Variants in MEF2A observed in about 807,000 individuals in gnomAD.
MEF2A encodes the protein myocyte enhancer factor 2A, also known as myocyte-specific enhancer factor 2A.
MEF2A carries 28 observed loss-of-function variants against 55.8 expected under a neutral mutation model. The ratio of observed to expected loss-of-function variants is 0.50; its 90% confidence interval spans 0.37 to 0.69. The LOEUF is 0.69. Among genes scored for constraint, MEF2A ranks in the 30% least tolerant of loss-of-function variants. The pLI is 0.00. For synonymous variants in MEF2A, 239 were observed against 227.1 expected (o/e 1.05, Z -0.47); for missense variants, 528 against 626.2 (o/e 0.84, Z 1.67).
chr15:99,591,323 T>C (rs1246830283), intron 1 of MEF2A, among the ~76,000 whole-genome samples: 3 of 152,224 alleles, frequency 2.0e-5, no homozygotes, highest in Admixed American at 2.0e-4. Flanking sequence ...AGAGTTTTTT[T>C]TTGTCCTTTC....
In MEF2A at chr15:99,714,748, A is replaced by G. The variant is rs188542083; in HGVS notation, c.*1977A>G. ...TCAAGGGTTTAAAAATTGCTATTTT[A>G]TATTTTAAATGATATTGAGCAGCTA... On this transcript the variant is annotated 3_prime_UTR_variant, in exon 12 of 12. Coordinates refer to ENST00000557942, the MANE Select transcript of MEF2A (RefSeq NM_001319206.4). The G allele has an allele frequency of 9.7e-4, 147 of 151,904 alleles. No individual in the cohort carries two copies. The highest frequency in any genetic ancestry group is 3.5e-3 in the African/African-American group (144 of 41,362). 9.4% of individuals were successfully genotyped at this position (151,904 alleles called of 1,614,324 possible).
intron 2 of MEF2A, among the ~76,000 whole-genome samples, chr15:99,600,623 A>G (rs1972653338): frequency 6.6e-6 from 1 of 152,118 alleles, no homozygotes; most frequent in Non-Finnish European, 1.5e-5. Context: ...CTTTGAATAT[A>G]GATATCATAT....
intron 7 of MEF2A, chr15:99,681,990 T>A (rs956696502): frequency 6.6e-6 from 1 of 152,208 alleles, no homozygotes; most frequent in Non-Finnish European, 1.5e-5. Context: ...AATGTCAAAT[T>A]TTATGAAAAT....
chr15:99,572,495 T>A (rs188895355), intron 1 of MEF2A, among the ~76,000 whole-genome samples: 1 of 151,256 alleles, frequency 6.6e-6, no homozygotes, highest in African/African-American at 2.4e-5. Context: ...TTTATGGTAT[T>A]TGTCCATTAC....
intron 3 of MEF2A, among the ~76,000 whole-genome samples, chr15:99,639,873 T>C (rs942086469): frequency 6.6e-6 from 1 of 152,222 alleles, no homozygotes; most frequent in African/African-American, 2.4e-5. Flanking sequence ...TTGTTGGTTT[T>C]GGTTTTTTTC....
At chr15:99,669,916 T>G (rs1003966959) in intron 4 of MEF2A, among the ~76,000 whole-genome samples, 5 of 152,226 alleles carry the variant, frequency 3.3e-5, no homozygotes, top group Non-Finnish European at 7.3e-5. Flanking sequence ...TGAACTTCTC[T>G]GGGACTAGTT....
At chr15:99,569,450 T>C (rs537485607) in intron 1 of MEF2A, among the ~76,000 whole-genome samples, 25 of 152,378 alleles carry the variant, frequency 1.6e-4, no homozygotes, top group African/African-American at 6.0e-4. Context: ...GGATAAAATA[T>C]CCCAGCATCT....
At chr15:99,704,885 T>C (rs1054084307) in intron 9 of MEF2A, among the ~76,000 whole-genome samples, 2 of 152,244 alleles carry the variant, frequency 1.3e-5, no homozygotes, top group African/African-American at 4.8e-5. Flanking sequence ...ACATTGATTT[T>C]CCACATTCCT....
At chr15:99,601,863 GT>G (rs1973208105) in intron 2 of MEF2A, among the ~76,000 whole-genome samples, 2 of 142,178 alleles carry the variant, frequency 1.4e-5, no homozygotes, top group Non-Finnish European at 3.1e-5. Context: ...GTGTGTCAGG[GT>G]AATGCTGGTC....
intron 9 of MEF2A, among the ~76,000 whole-genome samples, chr15:99,704,252 AGTTT>A (rs1406421772): frequency 1.3e-5 from 2 of 152,194 alleles, no homozygotes; most frequent in Non-Finnish European, 2.9e-5. Context: ...TGTTTTGCAC[AGTTT>A]GTTTTCTTTT....
rs371722756 is a variant in MEF2A, at chr15:99,709,244, G to A, written c.1010-1390G>A. Among the ~76,000 whole-genome samples the A allele has an allele frequency of 1.4e-4, 22 of 152,316 alleles. No individual in the cohort carries two copies. The East Asian group carries it at 3.7e-3, about 25-fold the overall frequency. ...CTGGAAATTGATGTTGGGAGTGAGA[G>A]GGAAGGGAAGTAGCAAGGATAACAC... On this transcript the variant is annotated intron_variant, in intron 10 of 11. Transcript: ENST00000557942.
At chr15:99,711,002 A>G (rs2058581223) in intron 11 of MEF2A, among the ~76,000 whole-genome samples, 1 of 152,220 alleles carries the variant, frequency 6.6e-6, no homozygotes, top group African/African-American at 2.4e-5. Flanking sequence ...CCATAGGGAC[A>G]TCCTGAGGTA....
chr15:99,624,264 C>A (rs1217944945), intron 2 of MEF2A, among the ~76,000 whole-genome samples: 3 of 151,822 alleles, frequency 2.0e-5, no homozygotes, highest in Non-Finnish European at 4.4e-5. Flanking sequence ...ATTGCCAAAT[C>A]CAACATCTTG....
intron 8 of MEF2A, among the ~76,000 whole-genome samples, chr15:99,692,716 A>G (rs989896119): frequency 6.6e-6 from 1 of 152,228 alleles, no homozygotes; most frequent in African/African-American, 2.4e-5. Context: ...GTGGTACACA[A>G]CTGGGAGAGG....
intron 2 of MEF2A, among the ~76,000 whole-genome samples, chr15:99,626,638 A>G (rs1348129627): frequency 1.3e-5 from 2 of 152,132 alleles, no homozygotes; most frequent in Non-Finnish European, 2.9e-5. Context: ...TTTCCAAATG[A>G]ATTTTAGAAT....
At chr15:99,610,645 C>T (rs1976906472) in intron 2 of MEF2A, among the ~76,000 whole-genome samples, 1 of 151,960 alleles carries the variant, frequency 6.6e-6, no homozygotes, top group African/African-American at 2.4e-5. Flanking sequence ...TAAACCCATG[C>T]ATTTATGGCC....
At chr15:99,675,830 G>T (rs553404911) in intron 7 of MEF2A, among the ~76,000 whole-genome samples, 2 of 152,310 alleles carry the variant, frequency 1.3e-5, no homozygotes, top group African/African-American at 4.8e-5. Flanking sequence ...CTGAGCTGAA[G>T]AGTTTGTGAC....
chr15:99,672,026 C>G (rs1001002994), intron 5 of MEF2A, among the ~76,000 whole-genome samples: 1 of 152,168 alleles, frequency 6.6e-6, no homozygotes, highest in Non-Finnish European at 1.5e-5. Context: ...ATGTATAAAA[C>G]TTTCCCTCTA....
intron 1 of MEF2A, among the ~76,000 whole-genome samples, chr15:99,595,879 T>C (rs1422166167): frequency 6.6e-6 from 1 of 152,138 alleles, no homozygotes; most frequent in African/African-American, 2.4e-5. Context: ...AGGTTAACAG[T>C]GTGTGTCAAC....
Sources: gnomAD v4.1 joint callset for allele counts (sites outside exome capture counted in the v4.1 genomes callset) on GRCh38, gnomAD v4.1.1 for gene constraint, MANE v1.5 for transcripts, NCBI Gene and HGNC (gene_info 2026-07-23, HGNC 2026-07-21) for gene names.